ARHGAP24: variants seen among roughly 807,000 people sequenced by gnomAD.
The protein encoded by ARHGAP24 is Rho GTPase activating protein 24, also known as rho GTPase-activating protein 24.
ARHGAP24 carries 50 observed loss-of-function variants against 76.4 expected under a neutral mutation model. The ratio of observed to expected loss-of-function variants is 0.65; its 90% confidence interval spans 0.52 to 0.83. ARHGAP24 has a LOEUF of 0.83. ARHGAP24 is among the 40% of genes least tolerant of loss of function. The pLI, the probability that ARHGAP24 is intolerant of heterozygous loss-of-function variation, is 0.00. For missense variants in ARHGAP24, 930 were observed against 914.2 expected (o/e 1.02, Z -0.22); for synonymous variants, 345 against 323.3 (o/e 1.07, Z -0.72).
intron 2 of ARHGAP24, among the ~76,000 whole-genome samples, chr4:85,684,734 G>A (rs1223214480): frequency 6.6e-6 from 1 of 152,134 alleles, no homozygotes; most frequent in African/African-American, 2.4e-5. Context: ...GTAGAACAAT[G>A]CCCTTAAGCT....
chr4:85,646,437 C>A (rs564526082), intron 2 of ARHGAP24, among the ~76,000 whole-genome samples: 1 of 152,094 alleles, frequency 6.6e-6, no homozygotes, highest in East Asian at 1.9e-4. Context: ...AACCCCGTTG[C>A]ATCTAATTAG....
chr4:85,898,058 T>TATAA (rs1734296855), intron 3 of ARHGAP24, among the ~76,000 whole-genome samples: 1 of 147,060 alleles, frequency 6.8e-6, no homozygotes, highest in Non-Finnish European at 1.5e-5. Context: ...TATATATATA[T>TATAA]AATTATTTTT....
chr4:85,696,221 A>G (rs1026910941), intron 2 of ARHGAP24, among the ~76,000 whole-genome samples: 1 of 151,760 alleles, frequency 6.6e-6, no homozygotes, highest in Non-Finnish European at 1.5e-5. Context: ...CTGATTCATC[A>G]TCAGCTTTTA....
chr4:85,693,464 G>A (rs1723748089), intron 2 of ARHGAP24, among the ~76,000 whole-genome samples: 1 of 152,134 alleles, frequency 6.6e-6, no homozygotes, highest in Non-Finnish European at 1.5e-5. Flanking sequence ...GTTCCTCCCC[G>A]GCTCAAGTCT....
chr4:85,992,927 G>A (rs958819412), intron 8 of ARHGAP24, among the ~76,000 whole-genome samples: 1 of 151,960 alleles, frequency 6.6e-6, no homozygotes, highest in Admixed American at 6.6e-5. Context: ...TTAAATTGCA[G>A]CAGCTGAAAT....
At chr4:85,588,773 A>G (rs1578059119) in intron 2 of ARHGAP24, among the ~76,000 whole-genome samples, 1 of 152,334 alleles carries the variant, frequency 6.6e-6, no homozygotes, top group Non-Finnish European at 1.5e-5. Context: ...GATTTCTAAG[A>G]TTTCAACAAT....
chr4:85,938,032 G>A (rs765809032), intron 4 of ARHGAP24, among the ~76,000 whole-genome samples: 7 of 152,126 alleles, frequency 4.6e-5, no homozygotes, highest in Non-Finnish European at 1.0e-4. Flanking sequence ...TCTAGCTATT[G>A]GCTCTATAAA....
chr4:85,604,027 G>T (rs1263079316), intron 2 of ARHGAP24: 1 of 152,212 alleles, frequency 6.6e-6, no homozygotes, highest in Admixed American at 6.5e-5. Context: ...AGGCAGGTCA[G>T]TAATTATCAT....
chr4:85,602,628 T>C (rs947982796), intron 2 of ARHGAP24, among the ~76,000 whole-genome samples: 1 of 152,170 alleles, frequency 6.6e-6, no homozygotes, highest in African/African-American at 2.4e-5. Context: ...ATTAATCTGA[T>C]TCCAAATTAA....
At chr4:85,890,569 G>T (rs1733829602) in intron 3 of ARHGAP24, among the ~76,000 whole-genome samples, 1 of 152,170 alleles carries the variant, frequency 6.6e-6, no homozygotes. Context: ...CTCAACCTCA[G>T]TCTTTAAGTT....
chr4:85,590,230 CTTCCTTCCTTCCT>C (rs1728035238), intron 2 of ARHGAP24, among the ~76,000 whole-genome samples: 1 of 141,978 alleles, frequency 7.0e-6, no homozygotes, highest in Non-Finnish European at 1.5e-5. Flanking sequence ...TCCTTCCTTC[CTTCCTTCCTTCCT>C]CCCACCTCCC....
intron 3 of ARHGAP24, among the ~76,000 whole-genome samples, chr4:85,870,786 G>A (rs1732483848): frequency 6.6e-6 from 1 of 152,078 alleles, no homozygotes; most frequent in Non-Finnish European, 1.5e-5. Flanking sequence ...TGTGTACAGA[G>A]GGAAGAATGT....
chr4:85,515,498 A>G (rs560865198), intron 1 of ARHGAP24, among the ~76,000 whole-genome samples: 174 of 151,224 alleles, frequency 1.2e-3, no homozygotes, highest in African/African-American at 4.1e-3. Context: ...ATATATATAT[A>G]TATATATTCT....
chr4:85,685,643 A>AAAAGAAAAGAAAAG (rs1157413373), intron 2 of ARHGAP24, among the ~76,000 whole-genome samples: 16 of 150,096 alleles, frequency 1.1e-4, no homozygotes, highest in African/African-American at 4.0e-4. Flanking sequence ...AAAAAAAAAA[A>AAAAGAAAAGAAAAG]AAAAGAAAAG....
intron 3 of ARHGAP24, among the ~76,000 whole-genome samples, chr4:85,749,000 T>TA (rs1357817832): frequency 6.6e-6 from 1 of 152,180 alleles, no homozygotes; most frequent in Non-Finnish European, 1.5e-5. Flanking sequence ...CTAAAGATGT[T>TA]ACACCTCTAG....
At chr4:85,786,608 A>G (rs1296211823) in intron 3 of ARHGAP24, among the ~76,000 whole-genome samples, 2 of 152,204 alleles carry the variant, frequency 1.3e-5, no homozygotes, top group African/African-American at 2.4e-5. Context: ...TTAACATGAT[A>G]TTGTGGCAGT....
chr4:85,639,762 A>G (rs563562487), intron 2 of ARHGAP24, among the ~76,000 whole-genome samples: 5 of 151,916 alleles, frequency 3.3e-5, no homozygotes, highest in African/African-American at 9.6e-5. Flanking sequence ...TCCTAAAATT[A>G]TGAAAGATTT....
chr4:85,560,862 T>C (rs765037900), intron 1 of ARHGAP24, among the ~76,000 whole-genome samples: 1 of 152,198 alleles, frequency 6.6e-6, no homozygotes, highest in Non-Finnish European at 1.5e-5. Flanking sequence ...GGTCATGATG[T>C]CCTTGCATTT....
At position 85,687,576 on chromosome 4, in the gene ARHGAP24, G is replaced by T. The variant is rs931063920; in HGVS notation, c.181-34309G>T. Among the ~76,000 whole-genome samples the T allele has an allele frequency of 2.0e-5, 3 of 152,092 alleles. No individual in the cohort carries two copies. In the East Asian group the frequency reaches 5.8e-4, roughly 29 times the overall value. ...TATGGACACCAGCTGCATTCATATT[G>T]CAGCAAAGGAAATTATTTTGTTCTT... On this transcript the variant is annotated intron_variant, in intron 2 of 9. Transcript: ENST00000395184.
Sources: gnomAD v4.1 joint callset for allele counts (sites outside exome capture counted in the v4.1 genomes callset) on GRCh38, gnomAD v4.1.1 for gene constraint, MANE v1.5 for transcripts, NCBI Gene and HGNC (gene_info 2026-07-23, HGNC 2026-07-21) for gene names.